Variants in ANKRD36C observed in about 807,000 individuals in gnomAD.
ANKRD36C encodes the protein ankyrin repeat domain 36C, also known as ankyrin repeat domain-containing protein 36C.
In ANKRD36C, 61 loss-of-function variants were observed where a neutral mutation model predicts 276.4. The ratio of observed to expected loss-of-function variants is 0.22; its 90% CI spans 0.18 to 0.27. ANKRD36C has a LOEUF of 0.27. ANKRD36C is among the 10% of genes least tolerant of loss of function. The pLI, the probability that ANKRD36C is intolerant of heterozygous loss-of-function variation, is 1.00. For missense variants in ANKRD36C, 1,447 were observed against 2,032.3 expected (o/e 0.71, Z 5.54); for synonymous variants, 483 against 680.1 (o/e 0.71, Z 4.51).
At chr2:95,854,409 A>G (rs910063262) in intron 63 of ANKRD36C, among the ~76,000 whole-genome samples, 4 of 151,664 alleles carry the variant, frequency 2.6e-5, no homozygotes, top group African/African-American at 9.7e-5. Context: ...TTCCTACTCT[A>G]CGTGAATCCT....
chr2:95,931,033 T>C (rs1017136093), intron 24 of ANKRD36C, among the ~76,000 whole-genome samples: 1 of 151,672 alleles, frequency 6.6e-6, no homozygotes, highest in African/African-American at 2.4e-5. Context: ...CCTGCCCAAT[T>C]TGACATACAT....
At chr2:95,980,464 C>A (rs1411349046) in intron 5 of ANKRD36C, among the ~76,000 whole-genome samples, 184 bp downstream of exon 5, 1 of 152,078 alleles carries the variant, frequency 6.6e-6, no homozygotes, top group Non-Finnish European at 1.5e-5. Flanking sequence ...ACTTACCTAG[C>A]CTTTTTCTTG....
chr2:95,875,377 G>A lies in ANKRD36C; in HGVS notation c.3540+1062C>T, dbSNP rs368747603. 3.3e-5 allele frequency among the ~76,000 whole-genome samples: 5 copies of A among 151,872 alleles called. No individual in the cohort carries two copies. The East Asian group carries it at 5.8e-4, about 18-fold the overall frequency. On this transcript the variant is annotated intron_variant, in intron 59 of 66. Transcript: ENST00000456556. ...AAAAAATGATGAGTTCATGTCCTTT[G>A]TAGGGACATGGATGAAATTGGAAAT...
At chr2:95,981,036 G>T (rs1410739379) in intron 4 of ANKRD36C, among the ~76,000 whole-genome samples, 1 of 151,962 alleles carries the variant, frequency 6.6e-6, no homozygotes, top group East Asian at 1.9e-4. Flanking sequence ...TCCTTTGATG[G>T]GCAAGAAACT....
At chr2:95,961,800 AAT>A (rs1158059960) in intron 8 of ANKRD36C, among the ~76,000 whole-genome samples, 2 of 152,030 alleles carry the variant, frequency 1.3e-5, no homozygotes, top group African/African-American at 4.8e-5. Flanking sequence ...AAATATTCCA[AAT>A]GCATCTGAAG....
intron 3 of ANKRD36C, among the ~76,000 whole-genome samples, chr2:95,985,877 A>C (rs1679016696): frequency 1.3e-5 from 2 of 151,966 alleles, no homozygotes; most frequent in South Asian, 4.2e-4. Flanking sequence ...CGTATCTCCC[A>C]CCTGCCCATC....
intron 1 of ANKRD36C, among the ~76,000 whole-genome samples, chr2:95,988,541 C>T (rs1156660008): frequency 1.3e-5 from 2 of 151,926 alleles, no homozygotes; most frequent in African/African-American, 4.8e-5. Flanking sequence ...AATGTGTCTG[C>T]TACATAATAG....
intron 61 of ANKRD36C, among the ~76,000 whole-genome samples, chr2:95,858,203 C>T (rs1675469720): frequency 6.6e-6 from 1 of 151,946 alleles, no homozygotes; most frequent in South Asian, 2.1e-4. Flanking sequence ...AGGGCTGTGT[C>T]GGGGGCCATG....
chr2:95,960,347 G>A (rs1678426768), intron 10 of ANKRD36C, 126 bp downstream of exon 10: 11 of 1,256,332 alleles, frequency 8.8e-6, no homozygotes, highest in Non-Finnish European at 7.7e-6. Context: ...TATTACAAAC[G>A]CAGAATCTCA....
intron 28 of ANKRD36C, among the ~76,000 whole-genome samples, chr2:95,925,806 C>T (rs1677389409): frequency 6.6e-6 from 1 of 151,518 alleles, no homozygotes; most frequent in African/African-American, 2.4e-5. Context: ...TAAAAAGTGT[C>T]AATATCAATG....
At chr2:95,878,948 C>T (rs1357031707) in intron 58 of ANKRD36C, among the ~76,000 whole-genome samples, 1 of 152,110 alleles carries the variant, frequency 6.6e-6, no homozygotes, top group African/African-American at 2.4e-5. Context: ...TCCAGCAATC[C>T]CATTGCTAGG....
intron 56 of ANKRD36C, 47 bp downstream of exon 76, chr2:95,882,255 C>T (rs762888082): frequency 6.5e-7 from 1 of 1,546,676 alleles, no homozygotes; most frequent in South Asian, 1.2e-5. Context: ...GGGACATTGT[C>T]TTCTATCTTG....
exon 63 of ANKRD36C, chr2:95,855,697 T>C: frequency 1.9e-6 from 3 of 1,612,398 alleles, no homozygotes; most frequent in Non-Finnish European, 2.5e-6. Flanking sequence ...CTGAACTTAC[T>C]CTCAGCTTTA....
intron 6 of ANKRD36C, among the ~76,000 whole-genome samples, chr2:95,968,230 C>A (rs1463795207): frequency 6.6e-6 from 1 of 152,160 alleles, no homozygotes; most frequent in Non-Finnish European, 1.5e-5. Flanking sequence ...GGAGGCTATA[C>A]TAAAATTATT....
chr2:95,920,007 A>G lies in ANKRD36C; in HGVS notation c.2245+1600T>C, dbSNP rs1162603955. 3.0e-5 allele frequency: 43 copies of G among 1,411,302 alleles called. 3 individuals are homozygous for G. The highest frequency in any genetic ancestry group is 1.0e-5 in the Non-Finnish European group (11 of 1,055,098). The allele number at this position is 1,411,302 out of a possible 1,614,324, so 87.4% of individuals were successfully genotyped here. Reference sequence around the variant, plus strand: ...TCACACAGTGTTAGCATCAAGCTGTATCCTTCTGCCTGTACTAGTGTAGGC... The same window carrying G: ...TCACACAGTGTTAGCATCAAGCTGTGTCCTTCTGCCTGTACTAGTGTAGGC... On this transcript the variant is annotated intron_variant, in intron 34 of 66. Coordinates refer to ENST00000456556, the Ensembl canonical transcript of ANKRD36C.
chr2:95,981,548 T>C lies in ANKRD36C; in HGVS notation c.593+708A>G, dbSNP rs1181467601. ...TATATGTAATATATGCACATACTTATATGCTCAGCCATTGTTTCCAAAACA... is the reference window on the plus strand; with the variant it reads ...TATATGTAATATATGCACATACTTACATGCTCAGCCATTGTTTCCAAAACA... On this transcript the variant is annotated intron_variant, in intron 4 of 66. Transcript: ENST00000456556. 6.0e-5 allele frequency among the ~76,000 whole-genome samples: 9 copies of C among 149,796 alleles called. 1 individual carries two copies. Among genetic ancestry groups the C allele is most frequent in the Admixed American group, 3.3e-4 (5 of 14,928 alleles).
At chr2:95,876,126 T>C (rs1675947625) in intron 59 of ANKRD36C, 1 of 331,098 alleles carries the variant, frequency 3.0e-6, no homozygotes, top group Non-Finnish European at 5.9e-6. Flanking sequence ...ATAATTTCTA[T>C]TGCTTAAAAT....
Position 95,980,779 on chromosome 2 carries a change from G to A in ANKRD36C, c.600C>T (p.Ala200=). ...CTCCAAGAGTAACAGCATGTATGAG[G>A]GCTGATCTAAAATAACAGAGAGGTA... The change falls in exon 5 of 67, where the codon GCC becomes GCT. Residue 200 remains alanine (A), a synonymous_variant. Coordinates refer to ENST00000456556, the Ensembl canonical transcript of ANKRD36C. The A allele has an allele frequency of 1.9e-6, 3 of 1,588,722 alleles. No homozygotes were observed. The South Asian group carries it at 3.4e-5, about 18-fold the overall frequency.
chr2:95,983,642 G>A (rs1307256557), intron 3 of ANKRD36C, among the ~76,000 whole-genome samples: 1 of 150,560 alleles, frequency 6.6e-6, no homozygotes, highest in Non-Finnish European at 1.5e-5. Context: ...ATGGAGTCTC[G>A]CTCTGTCGCC....
Sources: gnomAD v4.1 joint callset for allele counts (sites outside exome capture counted in the v4.1 genomes callset) on GRCh38, gnomAD v4.1.1 for gene constraint, MANE v1.5 for transcripts, NCBI Gene and HGNC (gene_info 2026-07-23, HGNC 2026-07-21) for gene names.